PRIMPOL: variants seen among roughly 807,000 people sequenced by gnomAD.
PRIMPOL encodes the protein DNA-directed primase/polymerase protein.
In PRIMPOL, 54 loss-of-function variants were observed where a neutral mutation model predicts 63.6. The observed-to-expected ratio is 0.85, with a 90% CI of 0.68 to 1.07. The LOEUF is 1.07. Among genes scored for constraint, PRIMPOL ranks in the 50% least tolerant of loss-of-function variants. The probability of loss-of-function intolerance (pLI) is 0.00; values close to 1 mark genes in which losing one functional copy is unlikely to be tolerated. For synonymous variants in PRIMPOL, 197 were observed against 220.2 expected, an observed-to-expected ratio of 0.89 and a Z score of 0.93; for missense variants, 610 against 648.3, an observed-to-expected ratio of 0.94 and a Z score of 0.64.
rs566342846 is a variant in PRIMPOL, at chr4:184,679,695, G to A, written c.1007+1301G>A. Reference sequence around the variant, plus strand: ...AGCAGGAGGTGAGCAGTAGGCGAGCGAGCGAGCAATACCACCTTCCCACCT... The same window carrying A: ...AGCAGGAGGTGAGCAGTAGGCGAGCAAGCGAGCAATACCACCTTCCCACCT... On this transcript the variant is annotated intron_variant, in intron 8 of 13. Coordinates refer to ENST00000314970, the MANE Select transcript of PRIMPOL (RefSeq NM_152683.4). Among the ~76,000 whole-genome samples the A allele has an allele frequency of 1.1e-3, 161 of 152,278 alleles. 2 individuals are homozygous for A. The highest frequency in any genetic ancestry group is 3.3e-3 in the African/African-American group (136 of 41,562).
chr4:184,672,098 G>T, intron 6 of PRIMPOL, 75 bp from the exon 7 acceptor site: 3 of 1,318,662 alleles, frequency 2.3e-6, no homozygotes, highest in Non-Finnish European at 3.2e-6. Flanking sequence ...ATTGTCATAT[G>T]TGGATTCCTG....
intron 11 of PRIMPOL, among the ~76,000 whole-genome samples, chr4:184,690,551 C>T (rs574458974): frequency 1.3e-5 from 2 of 152,272 alleles, no homozygotes; most frequent in South Asian, 4.1e-4. Flanking sequence ...CCTCCGCCTC[C>T]CAGGTTCAAG....
At chr4:184,687,097 A>G (rs757720896) in intron 11 of PRIMPOL, among the ~76,000 whole-genome samples, 1 of 152,080 alleles carries the variant, frequency 6.6e-6, no homozygotes, top group Non-Finnish European at 1.5e-5. Context: ...CTGAGATGGA[A>G]TCTCACTCCG....
Position 184,694,817 on chromosome 4 carries a change from TTTGCC to T in PRIMPOL, c.*40_*44del. 2.6e-6 allele frequency: 4 copies of T among 1,538,370 alleles called. No homozygotes were observed. The highest frequency in any genetic ancestry group is 3.6e-6 in the Non-Finnish European group (4 of 1,117,320). On this transcript the variant is annotated 3_prime_UTR_variant, in exon 14 of 14. Coordinates refer to ENST00000314970, the MANE Select transcript of PRIMPOL (RefSeq NM_152683.4). ...GAACACTTTTGTCACCAGGCTATAA[TTTGCC>T]TGATGTCTGTGAGATTTGATAAATA...
chr4:184,673,430 C>CT (rs60728743), intron 7 of PRIMPOL, among the ~76,000 whole-genome samples: 107,676 of 135,834 alleles, frequency 0.79, 43,504 homozygotes, highest in East Asian at 1. Context: ...CGCCCAGCCT[C>CT]TTTTTTTTTT....
rs546766922 is a variant in PRIMPOL, at chr4:184,694,905, T to A, written c.*126T>A. 2.4e-6 allele frequency: 2 copies of A among 840,266 alleles called. No homozygotes were observed. The highest frequency in any genetic ancestry group is 3.6e-6 in the Non-Finnish European group (2 of 560,056). The allele number at this position is 840,266 out of a possible 1,614,324, so 52.1% of individuals were successfully genotyped here. On this transcript the variant is annotated 3_prime_UTR_variant, in exon 14 of 14. Transcript: ENST00000314970. ...TATTACTTTGCTTTCCAATTTTTGTTTTTTACTTCTGTAAACCAATTTCAT... is the reference window on the plus strand; with the variant it reads ...TATTACTTTGCTTTCCAATTTTTGTATTTTACTTCTGTAAACCAATTTCAT...
At chr4:184,655,051 G>T (rs1745931949) in intron 2 of PRIMPOL, among the ~76,000 whole-genome samples, 1 of 151,358 alleles carries the variant, frequency 6.6e-6, no homozygotes. Context: ...CAGCTACTCA[G>T]GAGGCTAGAG....
At chr4:184,675,531 C>T (rs944546188) in intron 7 of PRIMPOL, among the ~76,000 whole-genome samples, 1 of 152,118 alleles carries the variant, frequency 6.6e-6, no homozygotes, top group Non-Finnish European at 1.5e-5. Context: ...TTCCAATATC[C>T]TTATTGAAAA....
intron 8 of PRIMPOL, 53 bp from the exon 9 acceptor site, chr4:184,682,195 T>C: frequency 1.1e-6 from 1 of 901,412 alleles, no homozygotes. Flanking sequence ...TAGCCAGGCC[T>C]TGTTAGTTCC....
chr4:184,687,818 G>A (rs1370306815), intron 11 of PRIMPOL, among the ~76,000 whole-genome samples: 3 of 152,094 alleles, frequency 2.0e-5, no homozygotes, highest in African/African-American at 7.2e-5. Context: ...GTTTCTGCAT[G>A]TTGGTCTGGC....
At chr4:184,659,945 C>T (rs551812766) in intron 4 of PRIMPOL, among the ~76,000 whole-genome samples, 4 of 152,116 alleles carry the variant, frequency 2.6e-5, no homozygotes, top group South Asian at 2.1e-4. Context: ...CTCAGGCTCC[C>T]GAGTTGCTGG....
intron 6 of PRIMPOL, 72 bp from the exon 7 acceptor site, chr4:184,672,101 G>A (rs533467891): frequency 7.5e-7 from 1 of 1,335,322 alleles, no homozygotes; most frequent in Admixed American, 2.2e-5. Context: ...GTCATATGTG[G>A]ATTCCTGGCT....
At chr4:184,659,258 C>CT (rs1289246745) in intron 3 of PRIMPOL, 82 bp from the exon 4 acceptor site, 1 of 997,502 alleles carries the variant, frequency 1.0e-6, no homozygotes, top group African/African-American at 1.6e-5. Flanking sequence ...ATGAAAAATT[C>CT]TTTATGAACA....
In PRIMPOL at chr4:184,657,261, A is replaced by G; in HGVS notation, c.121A>G (p.Ile41Val). 4 of 1,613,846 alleles carry G rather than the reference A, an allele frequency of 2.5e-6. No individual in the cohort carries two copies. The highest frequency in any genetic ancestry group is 3.4e-6 in the Non-Finnish European group (4 of 1,179,902). ...GTCCAAGCCAGAAGAACCACCCTCC[A>G]TCTGGAGACTATTTCATCGACAAGC... ...RLSKPEEPPS[I>V]WRLFHRQAQA... The change falls in exon 3 of 14, where the codon ATC becomes GTC. Residue 41 changes from isoleucine (I) to valine (V), a missense_variant. By Grantham distance (29) the Ile-to-Val change is conservative. Transcript: ENST00000314970.
chr4:184,692,737 C>T (rs776135301), intron 13 of PRIMPOL, among the ~76,000 whole-genome samples: 1 of 151,846 alleles, frequency 6.6e-6, no homozygotes, highest in South Asian at 2.1e-4. Context: ...GGATATTAGA[C>T]CTCCACAGAT....
chr4:184,667,467 T>TC (rs1553993023), intron 6 of PRIMPOL, among the ~76,000 whole-genome samples: 1 of 152,090 alleles, frequency 6.6e-6, no homozygotes, highest in Non-Finnish European at 1.5e-5. Context: ...TGTGCCACCA[T>TC]GCCCGGCTAA....
rs1361320887 is a variant in PRIMPOL at position 184,689,492 on chromosome 4, A to G, written c.1296-2007A>G. 9.9e-5 allele frequency among the ~76,000 whole-genome samples: 11 copies of G among 111,240 alleles called. No homozygotes were observed. In the South Asian group the frequency reaches 3.4e-3, roughly 34 times the overall value. 73.0% of individuals were successfully genotyped at this position (111,240 alleles called of 152,430 possible). ...TTTTGAGATGGAGTCTTGCTCTGTC[A>G]CCCAGGCTGAAGTGCAGTGGTGCAA... On this transcript the variant is annotated intron_variant, in intron 11 of 13. Transcript: ENST00000314970.
chr4:184,674,429 G>C (rs559619273), intron 7 of PRIMPOL, among the ~76,000 whole-genome samples: 1 of 152,036 alleles, frequency 6.6e-6, no homozygotes, highest in Non-Finnish European at 1.5e-5. Flanking sequence ...TCCTCCTTCC[G>C]GTCCGGACCC....
chr4:184,675,814 A>G (rs1247021136), intron 7 of PRIMPOL, among the ~76,000 whole-genome samples: 2 of 152,154 alleles, frequency 1.3e-5, no homozygotes, highest in African/African-American at 2.4e-5. Flanking sequence ...AAGACTCAGT[A>G]TCAAAAACAA....
Sources: gnomAD v4.1 joint callset for allele counts (sites outside exome capture counted in the v4.1 genomes callset) on GRCh38, gnomAD v4.1.1 for gene constraint, MANE v1.5 for transcripts, NCBI Gene and HGNC (gene_info 2026-07-23, HGNC 2026-07-21) for gene names.